Variants in HOOK3 observed in about 807,000 individuals in gnomAD.
HOOK3 encodes the protein protein Hook homolog 3.
HOOK3 carries 24 observed loss-of-function variants against 116.3 expected under a neutral mutation model. The observed-to-expected ratio is 0.21, with a 90% CI of 0.15 to 0.29. The LOEUF (loss-of-function observed/expected upper bound fraction) is 0.29. HOOK3 is among the 10% of genes least tolerant of loss of function. The pLI, the probability that HOOK3 is intolerant of heterozygous loss-of-function variation, is 1.00. For synonymous variants in HOOK3, 275 were observed against 283.0 expected, an observed-to-expected ratio of 0.97 and a Z score of 0.28; for missense variants, 632 against 830.2, an observed-to-expected ratio of 0.76 and a Z score of 2.93.
chr8:43,011,844 A>G (rs1426684896), intron 19 of HOOK3, among the ~76,000 whole-genome samples: 1 of 152,156 alleles, frequency 6.6e-6, no homozygotes, highest in Non-Finnish European at 1.5e-5. Context: ...ACATCACCGC[A>G]CTCCAGCCTA....
chr8:43,017,812 C>A (rs1809752097), intron 21 of HOOK3, among the ~76,000 whole-genome samples: 1 of 151,722 alleles, frequency 6.6e-6, no homozygotes, highest in Non-Finnish European at 1.5e-5. Context: ...TCAAGAAAGA[C>A]CCCCTTCTCT....
At chr8:42,968,927 A>G (rs775688961) in intron 11 of HOOK3, among the ~76,000 whole-genome samples, 1 of 152,148 alleles carries the variant, frequency 6.6e-6, no homozygotes, top group Non-Finnish European at 1.5e-5. Flanking sequence ...GCACTTTGAC[A>G]TGTTCCAGAA....
At chr8:42,913,630 T>C (rs536913877) in intron 2 of HOOK3, among the ~76,000 whole-genome samples, 71 of 152,360 alleles carry the variant, frequency 4.7e-4, no homozygotes, top group African/African-American at 1.6e-3. Context: ...GGGTTTATTC[T>C]GTTTCACCTA....
intron 4 of HOOK3, among the ~76,000 whole-genome samples, chr8:42,940,088 G>T (rs970976002): frequency 6.6e-6 from 1 of 152,254 alleles, no homozygotes; most frequent in Non-Finnish European, 1.5e-5. Flanking sequence ...GGCGGCGGCC[G>T]GGCAGAGGCT....
At chr8:43,007,336 C>G (rs975366405) in intron 17 of HOOK3, among the ~76,000 whole-genome samples, 1 of 152,168 alleles carries the variant, frequency 6.6e-6, no homozygotes, top group Admixed American at 6.5e-5. Flanking sequence ...GACCACAAAA[C>G]TAGCCACACA....
Position 43,021,104 on chromosome 8 carries a change from GAAAAAAAAAAAAAA to G in HOOK3, c.*2622_*2635del, listed in dbSNP as rs34161624. 9.6e-4 allele frequency: 31 copies of G among 32,286 alleles called. No individual in the cohort carries two copies. The highest frequency in any genetic ancestry group is 0.014 in the Middle Eastern group (1 of 74). 2.0% of individuals were successfully genotyped at this position (32,286 alleles called of 1,614,324 possible). On this transcript the variant is annotated 3_prime_UTR_variant, in exon 22 of 22. Transcript: ENST00000307602. ...CGACAAGAGCGAAACTCTGTCGCAAGAAAAAAAAAAAAAAAAAAAAAAAAAAAAACAGTCTGTGA... is the reference window on the plus strand; with the variant it reads ...CGACAAGAGCGAAACTCTGTCGCAAGAAAAAAAAAAAAAAACAGTCTGTGA...
chr8:42,977,949 A>G (rs1351659895), intron 13 of HOOK3, among the ~76,000 whole-genome samples: 1 of 152,150 alleles, frequency 6.6e-6, no homozygotes, highest in Non-Finnish European at 1.5e-5. Context: ...TAAAAAGAAA[A>G]CTGGTGTGTA....
At chr8:42,974,954 G>T (rs575867309) in intron 13 of HOOK3, among the ~76,000 whole-genome samples, 2 of 152,286 alleles carry the variant, frequency 1.3e-5, no homozygotes, top group Non-Finnish European at 1.5e-5. Context: ...CTCCTGAATT[G>T]CAGGGCCTGG....
rs531083723 is a variant in HOOK3 at position 42,943,644 on chromosome 8, G to C, written c.400+199G>C. On this transcript the variant is annotated intron_variant, in intron 5 of 21. Transcript: ENST00000307602. ...TTGCACATTAAAATAAATTTGACTGGGGTGATATTTTTTCTTTTGTGCAAT... is the reference window on the plus strand; with the variant it reads ...TTGCACATTAAAATAAATTTGACTGCGGTGATATTTTTTCTTTTGTGCAAT... Among the ~76,000 whole-genome samples, 4 of 152,142 alleles carry C rather than the reference G, an allele frequency of 2.6e-5. No individual in the cohort carries two copies. The South Asian group carries it at 8.3e-4, about 32-fold the overall frequency.
intron 21 of HOOK3, 138 bp downstream of exon 21, chr8:43,013,538 T>G (rs902211216): frequency 1.5e-6 from 1 of 646,924 alleles, no homozygotes; most frequent in African/African-American, 1.9e-5. Flanking sequence ...AACAGAATCT[T>G]AATGTTATTT....
intron 2 of HOOK3, among the ~76,000 whole-genome samples, chr8:42,915,739 G>A (rs942302716): frequency 1.3e-5 from 2 of 152,246 alleles, no homozygotes; most frequent in African/African-American, 4.8e-5. Flanking sequence ...GCCATATAGT[G>A]TTAATTTTAA....
chr8:42,970,782 C>CTTTTTTTTTTTTT lies in HOOK3; in HGVS notation c.1123-2498_1123-2486dup, dbSNP rs764513803. Reference sequence around the variant, plus strand: ...GTAAAGAAATAAAAGGAATTTGGGTCTTTTTTTTTTTTTTTTTTTTTCTGA... The same window carrying CTTTTTTTTTTTTT: ...GTAAAGAAATAAAAGGAATTTGGGTCTTTTTTTTTTTTTTTTTTTTTTTTTTTTTTTTTTCTGA... On this transcript the variant is annotated intron_variant, in intron 11 of 21. Coordinates refer to ENST00000307602, the MANE Select transcript of HOOK3 (RefSeq NM_032410.4). Among the ~76,000 whole-genome samples the CTTTTTTTTTTTTT allele has an allele frequency of 7.2e-3, 674 of 93,846 alleles. 71 individuals are homozygous for CTTTTTTTTTTTTT. Among genetic ancestry groups the CTTTTTTTTTTTTT allele is most frequent in the African/African-American group, 0.028 (657 of 23,066 alleles). 61.6% of individuals were successfully genotyped at this position (93,846 alleles called of 152,430 possible). A position where few individuals can be genotyped will look rare whatever the true frequency, so the allele number is the denominator to read the frequency against.
At chr8:42,902,235 A>G (rs1167909116) in intron 1 of HOOK3, among the ~76,000 whole-genome samples, 3 of 151,514 alleles carry the variant, frequency 2.0e-5, no homozygotes, top group African/African-American at 7.3e-5. Flanking sequence ...ATTCTGATTC[A>G]GTAGGGGGAG....
chr8:43,008,206 G>A (rs1480666309), intron 18 of HOOK3, among the ~76,000 whole-genome samples: 1 of 151,872 alleles, frequency 6.6e-6, no homozygotes, highest in African/African-American at 2.4e-5. Flanking sequence ...TTTTAGTAGA[G>A]ATGGGGTTTC....
chr8:42,940,655 G>A (rs182440409), intron 4 of HOOK3, among the ~76,000 whole-genome samples: 192 of 152,318 alleles, frequency 1.3e-3, no homozygotes, highest in African/African-American at 4.2e-3. Flanking sequence ...TGGGCAACCC[G>A]ACTTTTCTCT....
Position 42,959,111 on chromosome 8 carries a change from C to G in HOOK3, c.532-120C>G, listed in dbSNP as rs545640065. On this transcript the variant is annotated intron_variant, in intron 7 of 21. Coordinates refer to ENST00000307602, the MANE Select transcript of HOOK3 (RefSeq NM_032410.4). ...TCTTCCACAGGATTCTTGATTTCCT[C>G]TTGCACCCTTCCCTCTTCAGGAAAG... 1.3e-3 allele frequency: 858 copies of G among 644,444 alleles called. 3 individuals are homozygous for G. The highest frequency in any genetic ancestry group is 1.9e-3 in the Non-Finnish European group (683 of 366,774). The allele number at this position is 644,444 out of a possible 1,614,324, so 39.9% of individuals were successfully genotyped here. A position where few individuals can be genotyped will look rare whatever the true frequency, so the allele number is the denominator to read the frequency against.
chr8:42,982,134 A>G (rs1274760873), intron 13 of HOOK3, among the ~76,000 whole-genome samples: 2 of 151,314 alleles, frequency 1.3e-5, no homozygotes, highest in African/African-American at 2.4e-5. Context: ...GGGCGCCTGT[A>G]ATCCCAGCTA....
In HOOK3 at chr8:42,950,333, T is replaced by A. The variant is rs1291454954; in HGVS notation, c.401-55T>A. 6 of 1,155,466 alleles carry A rather than the reference T, an allele frequency of 5.2e-6. No homozygotes were observed. In the African/African-American group the frequency reaches 7.6e-5, roughly 15 times the overall value. The allele number at this position is 1,155,466 out of a possible 1,614,324, so 71.6% of individuals were successfully genotyped here. A position where few individuals can be genotyped will look rare whatever the true frequency, so the allele number is the denominator to read the frequency against. On this transcript the variant is annotated intron_variant, in intron 5 of 21. Transcript: ENST00000307602. Reference sequence around the variant, plus strand: ...GAATTTATGAAGTATGAGCCTTGATTCCCTTGACCATCTTTAACTTGAACA... The same window carrying A: ...GAATTTATGAAGTATGAGCCTTGATACCCTTGACCATCTTTAACTTGAACA...
rs1477896326 is a variant in HOOK3 at position 43,021,896 on chromosome 8, C to T, written c.*3398C>T. On this transcript the variant is annotated 3_prime_UTR_variant, in exon 22 of 22. Transcript: ENST00000307602. The stretch of plus-strand genomic sequence containing the variant: ...ATGTTAGCCAGGATGGTCTCGATCT[C>T]CTGACCTCGTGATCCACCCGCCTCA... The T allele has an allele frequency of 2.4e-5, 4 of 167,104 alleles. No homozygotes were observed. The highest frequency in any genetic ancestry group is 9.6e-5 in the African/African-American group (4 of 41,676). 10.4% of individuals were successfully genotyped at this position (167,104 alleles called of 1,614,324 possible).
Sources: allele counts gnomAD v4.1 joint callset (sites outside exome capture counted in the v4.1 genomes callset), GRCh38; gene constraint gnomAD v4.1.1; transcripts MANE v1.5; gene names NCBI Gene and HGNC (gene_info 2026-07-23, HGNC 2026-07-21).